The following KRABD4 variants were observed in gnomAD, a reference collection of about 807,000 sequenced individuals.
KRABD4 encodes the protein KRAB domain-containing protein 4.
chrX:46,454,066 A>G, the KRABD4 span: 2 of 125,246 alleles, frequency 1.6e-5, no homozygotes, highest in African/African-American at 6.3e-5. Flanking sequence ...TCACAAAAGA[A>G]ACAACCTAAA....
chrX:46,472,780 A>G, the KRABD4 span: 1 of 1,211,249 alleles, frequency 8.3e-7, no homozygotes, highest in East Asian at 3.0e-5. Context: ...CAGATAGATC[A>G]CTACAAGGAA....
the KRABD4 span, chrX:46,456,247 AT>A: frequency 9.1e-6 from 1 of 109,788 alleles, no homozygotes; most frequent in African/African-American, 3.3e-5. Flanking sequence ...ATTAAATGGG[AT>A]AAATAATCAT....
chrX:46,450,525 G>A, the KRABD4 span: 1 of 1,121,505 alleles, frequency 8.9e-7, no homozygotes, highest in Non-Finnish European at 1.2e-6. Context: ...TTGAGGCAAG[G>A]TTTGGAATCT....
At chrX:46,457,439 G>A in the KRABD4 span, among the ~76,000 whole-genome samples, 13 of 111,081 alleles carry the variant, frequency 1.2e-4, no homozygotes, top group African/African-American at 3.9e-4. Context: ...GAAAAATGTG[G>A]TGGACATATA....
the KRABD4 span, chrX:46,463,228 T>C: frequency 2.5e-6 from 3 of 1,211,791 alleles, no homozygotes; most frequent in Non-Finnish European, 3.4e-6. Context: ...GATGTGATCT[T>C]CAGGTTGGGA....
chrX:46,464,153 A>G, the KRABD4 span, among the ~76,000 whole-genome samples: 2 of 110,071 alleles, frequency 1.8e-5, no homozygotes, highest in African/African-American at 3.3e-5. Context: ...TTCCTTGTCT[A>G]TTTTTCCTGT....
the KRABD4 span, among the ~76,000 whole-genome samples, chrX:46,470,207 A>G: frequency 9.0e-6 from 1 of 111,296 alleles, no homozygotes; most frequent in Non-Finnish European, 1.9e-5. Context: ...TATTCTACCC[A>G]GTTTCCACTA....
At chrX:46,466,472 A>T in the KRABD4 span, among the ~76,000 whole-genome samples, 1 of 111,652 alleles carries the variant, frequency 9.0e-6, no homozygotes, top group Admixed American at 9.5e-5. Flanking sequence ...CCTTCCATCA[A>T]TTCGATTTAT....
the KRABD4 span, chrX:46,457,228 C>T: frequency 1.5e-5 from 3 of 206,103 alleles, no homozygotes. Context: ...CACTTCAGCA[C>T]GATGGGAAAT....
the KRABD4 span, among the ~76,000 whole-genome samples, chrX:46,467,046 T>C: frequency 8.9e-6 from 1 of 112,306 alleles, no homozygotes; most frequent in Non-Finnish European, 1.9e-5. Context: ...ATGTATCAGT[T>C]TGTTCCTTTT....
chrX:46,468,875 C>T, the KRABD4 span, among the ~76,000 whole-genome samples: 1 of 111,572 alleles, frequency 9.0e-6, no homozygotes, highest in Non-Finnish European at 1.9e-5. Context: ...TCCAGAAATC[C>T]AAAATCCTAA....
chrX:46,450,545 A>G, the KRABD4 span: 1 of 939,305 alleles, frequency 1.1e-6, no homozygotes, highest in Non-Finnish European at 1.5e-6. Flanking sequence ...TATATAGCAG[A>G]CTTGAAAATA....
the KRABD4 span, among the ~76,000 whole-genome samples, chrX:46,453,736 A>C: frequency 8.9e-6 from 1 of 112,175 alleles, no homozygotes; most frequent in Non-Finnish European, 1.9e-5. Context: ...ATACAGTAAA[A>C]AAGTCATACT....
At chrX:46,463,142 G>A in the KRABD4 span, 4 of 1,152,947 alleles carry the variant, frequency 3.5e-6, no homozygotes, top group Non-Finnish European at 4.7e-6. Context: ...GGTGGGCCTA[G>A]GTTCTGGAAT....
the KRABD4 span, among the ~76,000 whole-genome samples, chrX:46,470,794 T>C: frequency 2.7e-5 from 3 of 111,300 alleles, no homozygotes; most frequent in Non-Finnish European, 5.7e-5. Context: ...AGTAAGTATA[T>C]CTTTAAATTT....
the KRABD4 span, among the ~76,000 whole-genome samples, chrX:46,459,325 GAAAAA>G: frequency 2.1e-5 from 2 of 94,634 alleles, no homozygotes; most frequent in East Asian, 6.6e-4. Flanking sequence ...AAAAAAAAAA[GAAAAA>G]AAAAAAAGAA....
the KRABD4 span, among the ~76,000 whole-genome samples, chrX:46,447,794 C>T: frequency 9.0e-6 from 1 of 111,636 alleles, no homozygotes; most frequent in Non-Finnish European, 1.9e-5. Flanking sequence ...GGTAGCAAAC[C>T]CGAGGAATCT....
the KRABD4 span, chrX:46,454,941 G>T: frequency 4.8e-6 from 1 of 209,534 alleles, no homozygotes. Context: ...CTTCCAGTAT[G>T]GCCCAGGGAA....
At chrX:46,462,075 T>TTGAA in the KRABD4 span, among the ~76,000 whole-genome samples, 1 of 112,312 alleles carries the variant, frequency 8.9e-6, no homozygotes, top group Non-Finnish European at 1.9e-5. Context: ...TAAACATGTG[T>TTGAA]TGAATGAATG....
Sources: allele counts gnomAD v4.1 joint callset (sites outside exome capture counted in the v4.1 genomes callset), GRCh38; gene constraint gnomAD v4.1.1; transcripts MANE v1.5; gene names NCBI Gene and HGNC (gene_info 2026-07-23, HGNC 2026-07-21).